The following SEC22C variants were observed in gnomAD, a reference collection of about 807,000 sequenced individuals.
SEC22C encodes the protein vesicle-trafficking protein SEC22c.
SEC22C carries 29 observed loss-of-function variants against 34.7 expected under a neutral mutation model. The ratio of observed to expected loss-of-function variants is 0.84; its 90% CI spans 0.62 to 1.14. SEC22C has a LOEUF of 1.14. Ranked by LOEUF, SEC22C falls within the 50% of genes most tolerant of loss-of-function variation. SEC22C has a pLI of 0.00. For synonymous variants in SEC22C, 117 were observed against 132.8 expected (o/e 0.88, Z 0.82); for missense variants, 337 against 369.0 (o/e 0.91, Z 0.71).
rs1459834984 is a variant in SEC22C, at chr3:42,561,135, G to A, written c.508C>T (p.Pro170Ser). 4 of 1,614,064 alleles carry A rather than the reference G, an allele frequency of 2.5e-6. No individual in the cohort carries two copies. The highest frequency in any genetic ancestry group is 3.4e-6 in the Non-Finnish European group (4 of 1,179,972). Reference protein sequence around the residue: ...VANGVMNGHTPMHLEPAPNFR... With the variant: ...VANGVMNGHTSMHLEPAPNFR... ...CACTTACCAGGCTCCAAGTGCATCG[G>A]TGTGTGACCATTCATCACCCCATTT... is the stretch of plus-strand genomic sequence containing the variant. The change falls in exon 4 of 7, where the codon CCG becomes TCG. Residue 170 changes from proline (P) to serine (S), a missense_variant. Pro to Ser is a moderately conservative substitution (Grantham distance 74). Coordinates refer to ENST00000264454, the MANE Select transcript of SEC22C (RefSeq NM_032970.4).
At chr3:42,596,111 T>G (rs1350386671) in intron 1 of SEC22C, among the ~76,000 whole-genome samples, 1 of 152,042 alleles carries the variant, frequency 6.6e-6, no homozygotes, top group Admixed American at 6.6e-5. Flanking sequence ...AACCTCTACC[T>G]CCTGGGTTCA....
In SEC22C at chr3:42,548,552, T is replaced by C. The variant is rs1325101893; in HGVS notation, c.*4696A>G. The C allele has an allele frequency of 3.8e-6, 6 of 1,586,220 alleles. No individual in the cohort carries two copies. Among genetic ancestry groups the C allele is most frequent in the Middle Eastern group, 2.1e-4 (1 of 4,720 alleles). On this transcript the variant is annotated 3_prime_UTR_variant, in exon 7 of 7. Transcript: ENST00000264454. ...ATGAGATTTCCCCAGCAGCAGAAGT[T>C]TGACATCACTGCTCCCGGATGGGAG...
At position 42,548,024 on chromosome 3, in the gene SEC22C, T is replaced by C. The variant is rs1215853131; in HGVS notation, c.*5224A>G. On this transcript the variant is annotated 3_prime_UTR_variant, in exon 7 of 7. Coordinates refer to ENST00000264454, the MANE Select transcript of SEC22C (RefSeq NM_032970.4). The stretch of plus-strand genomic sequence containing the variant: ...TTCTGAAGCCACCTCATTTAATTTA[T>C]ACATAGGATATAAATGGCTATACAT... 1.3e-5 allele frequency: 2 copies of C among 152,450 alleles called. No homozygotes were observed. Among genetic ancestry groups the C allele is most frequent in the African/African-American group, 4.8e-5 (2 of 41,456 alleles). 9.4% of individuals were successfully genotyped at this position (152,450 alleles called of 1,614,324 possible).
In SEC22C at chr3:42,552,261, G is replaced by T; in HGVS notation, c.*987C>A. On this transcript the variant is annotated 3_prime_UTR_variant, in exon 7 of 7. Transcript: ENST00000264454. ...TAAGATGACTGGGAAAGGTGCAGAG[G>T]AGTAATTAATTTTGGAGGCGCTCTG... The T allele has an allele frequency of 1.0e-6, 1 of 985,414 alleles. No individual in the cohort carries two copies. Among genetic ancestry groups the T allele is most frequent in the South Asian group, 4.7e-5 (1 of 21,290 alleles). The allele number at this position is 985,414 out of a possible 1,614,324, so 61.0% of individuals were successfully genotyped here. A position where few individuals can be genotyped will look rare whatever the true frequency, so the allele number is the denominator to read the frequency against.
At position 42,550,301 on chromosome 3, in the gene SEC22C, T is replaced by C. The variant is rs1346084129; in HGVS notation, c.*2947A>G. The C allele has an allele frequency of 1.0e-6, 1 of 985,318 alleles. No homozygotes were observed. The highest frequency in any genetic ancestry group is 1.2e-6 in the Non-Finnish European group (1 of 829,946). The allele number at this position is 985,318 out of a possible 1,614,324, so 61.0% of individuals were successfully genotyped here. On this transcript the variant is annotated 3_prime_UTR_variant, in exon 7 of 7. Transcript: ENST00000264454. ...GTGATGTCAGCTGCACAGGTAGCAT[T>C]TAACTACTGGGAAAACAAAAGTGCT... is the stretch of plus-strand genomic sequence containing the variant.
chr3:42,567,808 C>T (rs1025059953), intron 2 of SEC22C, among the ~76,000 whole-genome samples: 3 of 152,318 alleles, frequency 2.0e-5, no homozygotes, highest in Middle Eastern at 3.4e-3. Context: ...CAGTGGCTCA[C>T]GCCTGTAATC....
Position 42,549,317 on chromosome 3 carries a change from T to C in SEC22C, c.*3931A>G. The C allele has an allele frequency of 1.0e-6, 1 of 985,712 alleles. No homozygotes were observed. The highest frequency in any genetic ancestry group is 1.2e-6 in the Non-Finnish European group (1 of 830,116). The allele number at this position is 985,712 out of a possible 1,614,324, so 61.1% of individuals were successfully genotyped here. ...CACTATGCAAGCAAGCAGCAGGTTC[T>C]CAGAAGGCCACTGTCCTGCATGTCA... On this transcript the variant is annotated 3_prime_UTR_variant, in exon 7 of 7. Transcript: ENST00000264454.
At chr3:42,601,051 C>T in exon 1 of SEC22C, 1 of 1,579,722 alleles carries the variant, frequency 6.3e-7, no homozygotes, top group Non-Finnish European at 8.6e-7. Context: ...ACATCGAGAT[C>T]AACCGGGAGC....
At chr3:42,579,833 C>CTTA (rs1422702559) in intron 1 of SEC22C, among the ~76,000 whole-genome samples, 1 of 152,082 alleles carries the variant, frequency 6.6e-6, no homozygotes, top group East Asian at 1.9e-4. Flanking sequence ...TAAGGGCTGC[C>CTTA]TTATTTTTGC....
At chr3:42,582,771 AG>A (rs1401351761), upstream of SEC22C, among the ~76,000 whole-genome samples, 1 of 152,168 alleles carries the variant, frequency 6.6e-6, no homozygotes, top group Non-Finnish European at 1.5e-5. Context: ...CAAAGGGGAG[AG>A]GAAGTGTGTT....
chr3:42,591,133 G>A, intron 1 of SEC22C: 1 of 717,248 alleles, frequency 1.4e-6, no homozygotes, highest in Admixed American at 2.2e-5. Flanking sequence ...CAGGCGCCGG[G>A]GCAGGACCCC....
At chr3:42,591,204 T>TTTTTC in intron 1 of SEC22C, 1 of 486,172 alleles carries the variant, frequency 2.1e-6, no homozygotes, top group Non-Finnish European at 3.7e-6. Context: ...TTCTCTCCTT[T>TTTTTC]TTTTTTTTTT....
At chr3:42,565,880 T>C in intron 2 of SEC22C, 1 of 456,194 alleles carries the variant, frequency 2.2e-6, no homozygotes, top group Non-Finnish European at 4.4e-6. Flanking sequence ...ATGGTACTGC[T>C]CACCTGTAAG....
intron 2 of SEC22C, chr3:42,566,789 A>C (rs1172295097): frequency 5.0e-6 from 2 of 398,166 alleles, no homozygotes; most frequent in Non-Finnish European, 1.0e-5. Context: ...GGATCACTTG[A>C]GCCTAGGAGT....
chr3:42,580,711 C>T (rs1211872497), intron 1 of SEC22C, among the ~76,000 whole-genome samples: 1 of 152,214 alleles, frequency 6.6e-6, no homozygotes, highest in Non-Finnish European at 1.5e-5. Flanking sequence ...TCAACCCAGA[C>T]TTCCTTACTT....
intron 6 of SEC22C, among the ~76,000 whole-genome samples, chr3:42,554,806 G>A (rs17074602): frequency 0.036 from 5,520 of 152,198 alleles, 164 homozygotes; most frequent in East Asian, 0.12. Context: ...TTAGAGCCAC[G>A]CTTTCACTAG....
intron 2 of SEC22C, chr3:42,566,736 G>T: frequency 3.4e-6 from 1 of 294,578 alleles, no homozygotes; most frequent in South Asian, 2.7e-5. Context: ...AGGCAAGGTG[G>T]CTCATACCTA....
chr3:42,549,581 T>C lies in SEC22C; in HGVS notation c.*3667A>G, dbSNP rs1702149407. The C allele has an allele frequency of 4.1e-6, 4 of 985,224 alleles. No homozygotes were observed. The highest frequency in any genetic ancestry group is 4.8e-6 in the Non-Finnish European group (4 of 829,930). The allele number at this position is 985,224 out of a possible 1,614,324, so 61.0% of individuals were successfully genotyped here. A position where few individuals can be genotyped will look rare whatever the true frequency, so the allele number is the denominator to read the frequency against. On this transcript the variant is annotated 3_prime_UTR_variant, in exon 7 of 7. Transcript: ENST00000264454. Reference sequence around the variant, plus strand: ...ACCAAGTGTTACTCCTCTCCAAGACTTGACTCCCAGGCATGGGTGGGAGAG... The same window carrying C: ...ACCAAGTGTTACTCCTCTCCAAGACCTGACTCCCAGGCATGGGTGGGAGAG...
intron 4 of SEC22C, among the ~76,000 whole-genome samples, chr3:42,559,958 G>A (rs975799896): frequency 6.6e-6 from 1 of 151,804 alleles, no homozygotes; most frequent in East Asian, 1.9e-4. Flanking sequence ...CCAGGTCTCA[G>A]AGACAGCCAG....
Sources: allele counts gnomAD v4.1 joint callset (sites outside exome capture counted in the v4.1 genomes callset), GRCh38; gene constraint gnomAD v4.1.1; transcripts MANE v1.5; gene names NCBI Gene and HGNC (gene_info 2026-07-23, HGNC 2026-07-21).